The following STOX2 variants were observed in gnomAD, a reference collection of about 807,000 sequenced individuals.
STOX2 encodes the protein storkhead box 2.
A neutral mutation model predicts 60.9 loss-of-function variants in STOX2; 28 were observed. The observed-to-expected ratio is 0.46, with a 90% CI of 0.34 to 0.63. The LOEUF is 0.63. STOX2 is among the 30% of genes least tolerant of loss of function. The pLI is 0.01. For missense variants in STOX2, 1,024 were observed against 1,187.7 expected, an observed-to-expected ratio of 0.86 and a Z score of 2.03; for synonymous variants, 472 against 463.9, an observed-to-expected ratio of 1.02 and a Z score of -0.22.
At chr4:183,931,383 C>T (rs1398332646) in intron 1 of STOX2, among the ~76,000 whole-genome samples, 1 of 152,128 alleles carries the variant, frequency 6.6e-6, no homozygotes, top group African/African-American at 2.4e-5. Flanking sequence ...AAGATTGTGC[C>T]ACCGTACTCC....
intron 1 of STOX2, among the ~76,000 whole-genome samples, chr4:183,917,722 A>G (rs138020284): frequency 1.3e-5 from 2 of 152,348 alleles, no homozygotes; most frequent in East Asian, 3.9e-4. Context: ...CCATAGTGTC[A>G]AGTGGATTTT....
intron 1 of STOX2, among the ~76,000 whole-genome samples, chr4:183,979,939 G>T (rs1317100674): frequency 6.6e-6 from 1 of 152,154 alleles, no homozygotes; most frequent in Non-Finnish European, 1.5e-5. Context: ...TGTTTGGCCA[G>T]TATTATTCCT....
At position 183,821,984 on chromosome 4, in the gene STOX2, G is replaced by A. The variant is rs374823891; in HGVS notation, c.364+23929G>A. ...TGGAAAAGGTGATACAGTTTGTGTC[G>A]GGTCTTGCAGCCAGGCTGGCTGGGG... is the stretch of plus-strand genomic sequence containing the variant. On this transcript the variant is annotated intron_variant, in intron 1 of 2. Coordinates refer to the STOX2 transcript ENST00000513034. This position sits in a 1 kb window ranked among gnomAD's most constrained non-coding sequence, Gnocchi z 4.2. Among the ~76,000 whole-genome samples, 1 of 152,226 alleles carries A rather than the reference G, an allele frequency of 6.6e-6. No homozygotes were observed. The highest frequency in any genetic ancestry group is 1.5e-5 in the Non-Finnish European group (1 of 68,044).
chr4:183,832,010 A>G (rs1195576680), intron 1 of STOX2, among the ~76,000 whole-genome samples: 3 of 141,558 alleles, frequency 2.1e-5, no homozygotes, highest in Admixed American at 1.4e-4. Context: ...TTTTTTTGAG[A>G]CAGAGTTTCA....
chr4:183,863,604 C>A (rs553332154), intron 1 of STOX2, among the ~76,000 whole-genome samples: 1 of 152,128 alleles, frequency 6.6e-6, no homozygotes, highest in Non-Finnish European at 1.5e-5. Context: ...ATTAGTATTG[C>A]GTGACGATTG....
intron 1 of STOX2, among the ~76,000 whole-genome samples, chr4:183,998,531 C>T (rs10033149): frequency 0.59 from 89,501 of 151,882 alleles, 26,616 homozygotes; most frequent in African/African-American, 0.69. Context: ...AGCCAATCTT[C>T]ACACATTTCT....
At chr4:183,960,247 A>G (rs996152018) in intron 1 of STOX2, 2 of 152,192 alleles carry the variant, frequency 1.3e-5, no homozygotes, top group African/African-American at 2.4e-5. Context: ...CATGCTGGGT[A>G]AGACCTAGAG....
At chr4:183,851,089 T>G in intron 1 of STOX2, among the ~76,000 whole-genome samples, 1 of 81,872 alleles carries the variant, frequency 1.2e-5, no homozygotes. Flanking sequence ...AGAGAAAGGA[T>G]GAGGGAAACG....
chr4:183,950,738 G>A (rs528612635), intron 1 of STOX2, among the ~76,000 whole-genome samples: 4 of 152,310 alleles, frequency 2.6e-5, no homozygotes, highest in African/African-American at 9.6e-5. Flanking sequence ...GAGCAGCCTC[G>A]CTGCAGCCAG....
chr4:183,862,329 T>C (rs1212096402), intron 1 of STOX2, among the ~76,000 whole-genome samples: 1 of 152,104 alleles, frequency 6.6e-6, no homozygotes, highest in Non-Finnish European at 1.5e-5. Flanking sequence ...GCACATGCCA[T>C]CACCCCTAGC....
chr4:183,871,806 G>C (rs1309154403), intron 1 of STOX2, among the ~76,000 whole-genome samples: 1 of 151,908 alleles, frequency 6.6e-6, no homozygotes, highest in Non-Finnish European at 1.5e-5. Flanking sequence ...AAATTTCTCT[G>C]ACAGACCGTG....
At chr4:183,943,831 C>T (rs77580629) in intron 1 of STOX2, among the ~76,000 whole-genome samples, 12,149 of 152,196 alleles carry the variant, frequency 0.08, 953 homozygotes, top group East Asian at 0.45. Context: ...TGGCTGAGAT[C>T]GTGCCACTGC....
At chr4:183,904,093 C>T (rs1741526082), upstream of STOX2, among the ~76,000 whole-genome samples, 1 of 152,214 alleles carries the variant, frequency 6.6e-6, no homozygotes, top group African/African-American at 2.4e-5. Context: ...ACCCAGATCC[C>T]TCCAAGCATG....
intron 1 of STOX2, among the ~76,000 whole-genome samples, chr4:183,804,544 G>C (rs976984369): frequency 9.2e-5 from 14 of 152,238 alleles, no homozygotes; most frequent in African/African-American, 3.4e-4. Context: ...TCTGCAGAGA[G>C]AAGGCATGAG....
chr4:183,999,657 G>A (rs150878855), intron 1 of STOX2, among the ~76,000 whole-genome samples: 110 of 152,242 alleles, frequency 7.2e-4, no homozygotes, highest in African/African-American at 2.4e-3. Flanking sequence ...TGCTTCCTCC[G>A]AGGCACCTGT....
rs377661498 is a variant in STOX2 at position 184,009,881 on chromosome 4, G to T, written c.1043G>T (p.Gly348Val). 9 of 1,611,974 alleles carry T rather than the reference G, an allele frequency of 5.6e-6. No individual in the cohort carries two copies. The African/African-American group carries it at 9.3e-5, about 17-fold the overall frequency. ...GAAAAGGCCCAGAGGAGTAAAGCCG[G>T]GTCCTCTGCCCATCACAGCGGAAGG... is the stretch of plus-strand genomic sequence containing the variant. ...EEEKAQRSKA[G>V]SSAHHSGRSK... is the part of the protein sequence containing the mutation. Residue 348 changes from glycine (G) to valine (V), a missense_variant, in exon 3 of 4, where the codon GGG (glycine) becomes GTG (valine). Coordinates refer to ENST00000308497, the MANE Select transcript of STOX2 (RefSeq NM_020225.3). The surrounding 1 kb of genome is among the most constrained non-coding windows in gnomAD (Gnocchi z 4.0).
chr4:183,804,057 G>GGGGA (rs1188094746), intron 1 of STOX2, among the ~76,000 whole-genome samples: 1 of 152,172 alleles, frequency 6.6e-6, no homozygotes, highest in Non-Finnish European at 1.5e-5. Flanking sequence ...AGAGAGCGCT[G>GGGGA]GGGAGAAATG....
Position 183,836,597 on chromosome 4 carries a change from A to G in STOX2, c.364+38542A>G, listed in dbSNP as rs540092958. ...AGACCCCATCACATGGCCCCATACAATGGGAAGGGATCTGGGAAGTGCAGT... is the reference window on the plus strand; with the variant it reads ...AGACCCCATCACATGGCCCCATACAGTGGGAAGGGATCTGGGAAGTGCAGT... On this transcript the variant is annotated intron_variant, in intron 1 of 2. Transcript: ENST00000513034. The surrounding 1 kb of genome is among the most constrained non-coding windows in gnomAD (Gnocchi z 4.1). Among the ~76,000 whole-genome samples the G allele has an allele frequency of 1.6e-4, 25 of 152,296 alleles. No individual in the cohort carries two copies. The highest frequency in any genetic ancestry group is 1.5e-3 in the Admixed American group (23 of 15,284).
intron 1 of STOX2, among the ~76,000 whole-genome samples, chr4:183,989,939 G>T (rs1733025763): frequency 6.6e-6 from 1 of 152,118 alleles, no homozygotes; most frequent in South Asian, 2.1e-4. Context: ...TAATAGGTAA[G>T]AATTTTTAGA....
Sources: allele counts gnomAD v4.1 joint callset (sites outside exome capture counted in the v4.1 genomes callset), GRCh38; gene constraint gnomAD v4.1.1; non-coding constraint Gnocchi (gnomAD v3.1); transcripts MANE v1.5; gene names NCBI Gene and HGNC (gene_info 2026-07-23, HGNC 2026-07-21).